Variants in LRP2 observed in about 807,000 individuals in gnomAD.
LRP2 encodes the protein LDL receptor related protein 2, also known as low-density lipoprotein receptor-related protein 2.
A neutral mutation model predicts 531.0 loss-of-function variants in LRP2; 172 were observed. That is an observed-to-expected ratio of 0.32 (90% confidence interval 0.29 to 0.37). LRP2 has a LOEUF of 0.37. Among genes scored for constraint, LRP2 ranks in the 10% least tolerant of loss-of-function variants. LRP2 has a pLI of 1.00. For missense variants in LRP2, 5,167 were observed against 5,868.3 expected (o/e 0.88, Z 3.90); for synonymous variants, 1,992 against 2,027.6 (o/e 0.98, Z 0.47).
chr2:169,328,441 T>TA (rs537210492), intron 1 of LRP2, among the ~76,000 whole-genome samples: 2,700 of 49,036 alleles, frequency 0.055, 149 homozygotes, highest in Admixed American at 0.067. Flanking sequence ...CGGGCCGGGA[T>TA]AAAAAAAAAA....
chr2:169,200,463 G>A (rs1024927585), intron 44 of LRP2, among the ~76,000 whole-genome samples: 3 of 151,800 alleles, frequency 2.0e-5, no homozygotes, highest in Non-Finnish European at 2.9e-5. Flanking sequence ...ATAAGAAGAT[G>A]GATTGGGGTC....
chr2:169,265,963 G>A (rs1690782910), intron 16 of LRP2, among the ~76,000 whole-genome samples: 2 of 152,094 alleles, frequency 1.3e-5, no homozygotes, highest in South Asian at 4.2e-4. Flanking sequence ...ACAGGCATTT[G>A]ATAGAGCTAT....
intron 33 of LRP2, among the ~76,000 whole-genome samples, chr2:169,221,455 T>C (rs1688992460): frequency 6.6e-6 from 1 of 152,212 alleles, no homozygotes; most frequent in Non-Finnish European, 1.5e-5. Context: ...AGGGCCCTGA[T>C]ACAGCACATA....
At chr2:169,172,967 C>T in intron 57 of LRP2, 129 bp downstream of exon 57, 2 of 1,276,920 alleles carry the variant, frequency 1.6e-6, no homozygotes, top group Admixed American at 1.8e-5. Context: ...GAAGAATCAA[C>T]CATTTTTTTA....
chr2:169,164,358 T>A (rs1056870800), intron 62 of LRP2, among the ~76,000 whole-genome samples: 9 of 152,244 alleles, frequency 5.9e-5, no homozygotes, highest in African/African-American at 1.9e-4. Flanking sequence ...GAATGGACTA[T>A]GAGCTATGTC....
intron 67 of LRP2, 66 bp from the exon 68 acceptor site, chr2:169,151,092 T>C: frequency 6.4e-7 from 1 of 1,562,686 alleles, no homozygotes; most frequent in Non-Finnish European, 8.8e-7. Flanking sequence ...GGTAAGAGGT[T>C]TGAAGATGAG....
At chr2:169,314,660 T>G (rs747253711) in intron 3 of LRP2, among the ~76,000 whole-genome samples, 8 of 152,200 alleles carry the variant, frequency 5.3e-5, no homozygotes, top group Non-Finnish European at 1.2e-4. Flanking sequence ...ATTTTTCAAG[T>G]CAGCCTACTT....
chr2:169,225,285 G>A (rs1169185880), intron 33 of LRP2, 25 bp downstream of exon 33: 6 of 1,608,206 alleles, frequency 3.7e-6, no homozygotes, highest in South Asian at 3.3e-5. Context: ...CAATGTTTGT[G>A]TAAGTAGTAT....
At chr2:169,300,486 T>A (rs1684260778) in intron 4 of LRP2, among the ~76,000 whole-genome samples, 2 of 151,916 alleles carry the variant, frequency 1.3e-5, no homozygotes, top group Non-Finnish European at 2.9e-5. Context: ...AAAATTTTTT[T>A]AAAGAAAGAA....
chr2:169,171,983 T>C (rs2105278482), intron 58 of LRP2, 32 bp downstream of exon 58: 3 of 1,613,454 alleles, frequency 1.9e-6, no homozygotes, highest in South Asian at 2.2e-5. Context: ...GCTCTGGTGG[T>C]ATATAAGGAC....
At chr2:169,140,585 A>G in intron 71 of LRP2, 40 bp from the exon 72 acceptor site, 1 of 1,516,290 alleles carries the variant, frequency 6.6e-7, no homozygotes, top group South Asian at 1.1e-5. Flanking sequence ...AGTCAGCTGT[A>G]CTCAGCAGAG....
At chr2:169,223,864 C>T (rs781251842) in intron 33 of LRP2, among the ~76,000 whole-genome samples, 1 of 152,216 alleles carries the variant, frequency 6.6e-6, no homozygotes, top group Non-Finnish European at 1.5e-5. Context: ...GAACTGCCTG[C>T]CCTCAGGAAT....
intron 10 of LRP2, among the ~76,000 whole-genome samples, chr2:169,280,992 A>G (rs1049341948): frequency 4.6e-5 from 7 of 152,234 alleles, no homozygotes; most frequent in Admixed American, 6.5e-5. Context: ...CAGGTATGCA[A>G]AATGATATAT....
intron 1 of LRP2, among the ~76,000 whole-genome samples, chr2:169,342,404 T>A (rs1685587313): frequency 6.6e-6 from 1 of 152,150 alleles, no homozygotes; most frequent in Admixed American, 6.6e-5. Context: ...CAAGTCTAGT[T>A]CTACCCTCAT....
At chr2:169,206,288 T>C (rs192515584) in intron 39 of LRP2, 42 bp downstream of exon 39, 2 of 1,610,716 alleles carry the variant, frequency 1.2e-6, no homozygotes, top group African/African-American at 1.3e-5. Context: ...TTGACCCCAT[T>C]GTGTCTACTT....
intron 1 of LRP2, among the ~76,000 whole-genome samples, chr2:169,326,272 G>A (rs1298247949): frequency 2.7e-5 from 4 of 147,030 alleles, no homozygotes; most frequent in African/African-American, 1.0e-4. Context: ...CCGAGCCGAA[G>A]CTGGACTGTA....
rs1688951154 is a variant in LRP2, at chr2:169,220,482, T to C, written c.5620A>G (p.Ile1874Val). Reference protein sequence around the residue: ...DGTALGVGFPIGITVDPARGK... With the variant: ...DGTALGVGFPVGITVDPARGK... ...CGAGCAGGATCAACAGTTATGCCAATTGGAAAGCCAACTCCAAGAGCTGTC... is the reference window on the plus strand; with the variant it reads ...CGAGCAGGATCAACAGTTATGCCAACTGGAAAGCCAACTCCAAGAGCTGTC... Residue 1874 changes from isoleucine to valine, a missense_variant, in exon 34 of 79, where the codon ATT becomes GTT. Transcript: ENST00000649046. 15 of 1,613,638 alleles carry C rather than the reference T, an allele frequency of 9.3e-6. No homozygotes were observed. Among genetic ancestry groups the C allele is most frequent in the South Asian group, 2.2e-5 (2 of 91,076 alleles).
At chr2:169,256,333 T>C (rs1024664394) in intron 18 of LRP2, 97 bp from the exon 19 acceptor site, 2 of 891,050 alleles carry the variant, frequency 2.2e-6, no homozygotes, top group South Asian at 1.9e-5. Flanking sequence ...AGTTGACACA[T>C]TTATTAAACA....
intron 42 of LRP2, among the ~76,000 whole-genome samples, chr2:169,203,620 C>T (rs373339601): frequency 1.3e-5 from 2 of 152,140 alleles, no homozygotes; most frequent in Admixed American, 6.5e-5. Flanking sequence ...ATTAGCTGGA[C>T]ACGTCGTGTG....
Sources: allele counts gnomAD v4.1 joint callset (sites outside exome capture counted in the v4.1 genomes callset), GRCh38; gene constraint gnomAD v4.1.1; transcripts MANE v1.5; gene names NCBI Gene and HGNC (gene_info 2026-07-23, HGNC 2026-07-21).